The following MAGEC3 variants were observed in gnomAD, a reference collection of about 807,000 sequenced individuals.
MAGEC3 encodes the protein melanoma-associated antigen C3.
A neutral mutation model predicts 35.3 loss-of-function variants in MAGEC3; 34 were observed. The ratio of observed to expected loss-of-function variants is 0.96; its 90% CI spans 0.73 to 1.28. MAGEC3 has a LOEUF of 1.28. Ranked by LOEUF, MAGEC3 falls within the 50% of genes most tolerant of loss-of-function variation. The probability of loss-of-function intolerance (pLI) is 0.00; values close to 1 mark genes in which losing one functional copy is unlikely to be tolerated. For synonymous variants in MAGEC3, 202 were observed against 185.6 expected, an observed-to-expected ratio of 1.09 and a Z score of -0.72; for missense variants, 561 against 483.6, an observed-to-expected ratio of 1.16 and a Z score of -1.50.
At chrX:141,848,342 A>T (rs1184527299) in intron 1 of MAGEC3, among the ~76,000 whole-genome samples, 1 of 110,426 alleles carries the variant, frequency 9.1e-6, no homozygotes, top group African/African-American at 3.3e-5. Context: ...CAACCTATCT[A>T]TCTTCACTGA....
At chrX:141,841,640 G>A (rs1000240356) in intron 1 of MAGEC3, among the ~76,000 whole-genome samples, 8 of 111,953 alleles carry the variant, frequency 7.1e-5, no homozygotes, top group African/African-American at 2.6e-4. Context: ...ATGAGACTTA[G>A]TAGACACATA....
At chrX:141,890,860 A>G (rs1322659692) in intron 4 of MAGEC3, among the ~76,000 whole-genome samples, 2 of 111,426 alleles carry the variant, frequency 1.8e-5, no homozygotes, top group Non-Finnish European at 3.8e-5. Flanking sequence ...CAATGTTTTC[A>G]TTTCTGTTCA....
chrX:141,896,962 A>G lies in MAGEC3; in HGVS notation c.1204A>G (p.Ile402Val), dbSNP rs1361030554. ...GATTCCTCCCCAGGGTCCTCCCAAGATCTCTCCCCAGGGTCCTCCGCAGAG... is the reference window on the plus strand; with the variant it reads ...GATTCCTCCCCAGGGTCCTCCCAAGGTCTCTCCCCAGGGTCCTCCGCAGAG... ...PEIPPQGPPK[I>V]SPQGPPQSPP... Residue 402 changes from isoleucine to valine, a missense_variant, in exon 7 of 8, where the codon ATC (isoleucine) becomes GTC (valine). Physicochemically the swap from Ile to Val is conservative, Grantham distance 29. Transcript: ENST00000298296. The G allele has an allele frequency of 7.6e-6, 9 of 1,191,634 alleles. No individual in the cohort carries two copies. The East Asian group carries it at 1.8e-4, about 24-fold the overall frequency.
chrX:141,839,073 G>T (rs780557381), intron 1 of MAGEC3, among the ~76,000 whole-genome samples: 1 of 111,225 alleles, frequency 9.0e-6, no homozygotes, highest in African/African-American at 3.3e-5. Context: ...TCCTGTGGCT[G>T]GGATTATAGG....
At chrX:141,895,609 G>A (rs2018084711) in intron 6 of MAGEC3, 50 bp downstream of exon 6, 2 of 1,107,182 alleles carry the variant, frequency 1.8e-6, no homozygotes, top group Admixed American at 2.9e-5. Flanking sequence ...AGGACTGGGG[G>A]AACCCCCACC....
At chrX:141,856,975 C>T (rs749727386) in intron 1 of MAGEC3, among the ~76,000 whole-genome samples, 2 of 111,508 alleles carry the variant, frequency 1.8e-5, no homozygotes, top group African/African-American at 3.3e-5. Context: ...CATCCCTGAA[C>T]GTTTCGGATG....
chrX:141,870,006 G>A lies in MAGEC3; in HGVS notation c.258+4401G>A, dbSNP rs765108927. On this transcript the variant is annotated intron_variant, in intron 2 of 7. Coordinates refer to ENST00000298296, the MANE Select transcript of MAGEC3 (RefSeq NM_138702.1). ...CAGGGGCCCTGTGCAGTACCCAAAAGCCAGGGGTTAGGAAAGACAACCTTG... is the reference window on the plus strand; with the variant it reads ...CAGGGGCCCTGTGCAGTACCCAAAAACCAGGGGTTAGGAAAGACAACCTTG... Among the ~76,000 whole-genome samples the A allele has an allele frequency of 2.7e-5, 3 of 111,368 alleles. No homozygotes were observed. The South Asian group carries it at 1.1e-3, about 42-fold the overall frequency.
chrX:141,871,074 T>G (rs2017884426), intron 2 of MAGEC3, among the ~76,000 whole-genome samples: 2 of 112,512 alleles, frequency 1.8e-5, no homozygotes, highest in South Asian at 7.3e-4. Context: ...ATTTAAGCAC[T>G]TATTTTTCTT....
intron 3 of MAGEC3, 41 bp from the exon 4 acceptor site, chrX:141,881,362 C>A: frequency 8.6e-7 from 1 of 1,165,684 alleles, no homozygotes; most frequent in Non-Finnish European, 1.1e-6. Context: ...CAATGAAGAG[C>A]CTAGCAGCCA....
In MAGEC3 at chrX:141,868,529, A is replaced by G. The variant is rs191418868; in HGVS notation, c.258+2924A>G. On this transcript the variant is annotated intron_variant, in intron 2 of 7. Transcript: ENST00000298296. ...TTGCTTTATTATACTTGGCTTAATT[A>G]TTTATATACAGTGCAGCAAGAATTT... Among the ~76,000 whole-genome samples the G allele has an allele frequency of 8.7e-3, 971 of 112,137 alleles. 7 individuals are homozygous for G. The highest frequency in any genetic ancestry group is 0.03 in the African/African-American group (935 of 30,891).
intron 2 of MAGEC3, among the ~76,000 whole-genome samples, chrX:141,875,626 G>A (rs765110521): frequency 3.1e-4 from 35 of 111,921 alleles, no homozygotes; most frequent in Non-Finnish European, 5.6e-4. Context: ...TCCCAAGAAC[G>A]TTAGTCCCTC....
At chrX:141,880,876 A>C in intron 3 of MAGEC3, 1 of 1,061,154 alleles carries the variant, frequency 9.4e-7, no homozygotes, top group East Asian at 3.6e-5. Context: ...TGAGTTTCTC[A>C]GCTGAGGCCA....
chrX:141,867,516 A>AAAAAC (rs1355752374), intron 2 of MAGEC3, among the ~76,000 whole-genome samples: 1 of 112,104 alleles, frequency 8.9e-6, no homozygotes, highest in Non-Finnish European at 1.9e-5. Flanking sequence ...CTTAGTCTGT[A>AAAAAC]AAAACAAAAC....
chrX:141,864,378 G>T (rs1196258802), intron 1 of MAGEC3, among the ~76,000 whole-genome samples: 1 of 99,600 alleles, frequency 1.0e-5, no homozygotes, highest in Non-Finnish European at 2.0e-5. Context: ...ACAGGTTTTT[G>T]TGAGAACATA....
At chrX:141,866,322 T>G (rs1007227649) in intron 2 of MAGEC3, among the ~76,000 whole-genome samples, 1 of 112,220 alleles carries the variant, frequency 8.9e-6, no homozygotes, top group African/African-American at 3.2e-5. Context: ...TAAAAAAATT[T>G]TTATATTAAG....
chrX:141,857,752 A>C (rs768837226), intron 1 of MAGEC3, among the ~76,000 whole-genome samples: 3 of 110,800 alleles, frequency 2.7e-5, no homozygotes, highest in African/African-American at 9.8e-5. Flanking sequence ...TGAAACACGC[A>C]CCACCCTCAC....
intron 1 of MAGEC3, among the ~76,000 whole-genome samples, chrX:141,861,171 A>G (rs2017812895): frequency 9.0e-6 from 1 of 110,914 alleles, no homozygotes; most frequent in African/African-American, 3.3e-5. Flanking sequence ...AGGCCATCCG[A>G]GGACGCTAGA....
chrX:141,840,396 A>T (rs1487500998), intron 1 of MAGEC3, among the ~76,000 whole-genome samples: 1 of 112,375 alleles, frequency 8.9e-6, no homozygotes, highest in Non-Finnish European at 1.9e-5. Context: ...CATAAAAGTG[A>T]TTTAAGAAAG....
intron 4 of MAGEC3, among the ~76,000 whole-genome samples, chrX:141,890,171 C>T: frequency 9.0e-6 from 1 of 110,662 alleles, no homozygotes. Flanking sequence ...TAGTTCTGTC[C>T]CTCTAGAGAA....
Sources: gnomAD v4.1 joint callset for allele counts (sites outside exome capture counted in the v4.1 genomes callset) on GRCh38, gnomAD v4.1.1 for gene constraint, MANE v1.5 for transcripts, NCBI Gene and HGNC (gene_info 2026-07-23, HGNC 2026-07-21) for gene names.